Variants in SPHKAP observed in about 807,000 individuals in gnomAD.
The protein encoded by SPHKAP is A-kinase anchor protein SPHKAP.
SPHKAP carries 67 observed loss-of-function variants against 137.5 expected under a neutral mutation model. The observed-to-expected ratio is 0.49, with a 90% CI of 0.40 to 0.60. The LOEUF is 0.60. Among genes scored for constraint, SPHKAP ranks in the 20% least tolerant of loss-of-function variants. The pLI, the probability that SPHKAP is intolerant of heterozygous loss-of-function variation, is 0.00. For missense variants in SPHKAP, 2,097 were observed against 2,069.3 expected, an observed-to-expected ratio of 1.01 and a Z score of -0.26; for synonymous variants, 813 against 785.3, an observed-to-expected ratio of 1.04 and a Z score of -0.59.
chr2:227,996,640 A>C (rs1416519978), intron 7 of SPHKAP, among the ~76,000 whole-genome samples: 1 of 152,070 alleles, frequency 6.6e-6, no homozygotes, highest in Non-Finnish European at 1.5e-5. Context: ...TGCATATCTC[A>C]TTAACATCTC....
Position 227,980,844 on chromosome 2 carries a change from ATTT to A in SPHKAP, c.*870_*872del, listed in dbSNP as rs1692968820. On this transcript the variant is annotated 3_prime_UTR_variant, in exon 12 of 12. Coordinates refer to ENST00000392056, the MANE Select transcript of SPHKAP (RefSeq NM_001142644.2). ...AAGCTTGAAGCTAACTCAATATATTATTTAAGACAATAATCTCTTTATAATTTA... is the reference window on the plus strand; with the variant it reads ...AAGCTTGAAGCTAACTCAATATATTAAAGACAATAATCTCTTTATAATTTA... 6.6e-6 allele frequency: 1 copy of A among 152,238 alleles called. No homozygotes were observed. The highest frequency in any genetic ancestry group is 1.5e-5 in the Non-Finnish European group (1 of 68,044). The allele number at this position is 152,238 out of a possible 1,614,324, so 9.4% of individuals were successfully genotyped here.
chr2:228,148,382 G>A (rs750092279), intron 1 of SPHKAP, among the ~76,000 whole-genome samples: 1 of 152,190 alleles, frequency 6.6e-6, no homozygotes, highest in East Asian at 1.9e-4. Flanking sequence ...TGTGCTGAAA[G>A]CCCTAATTCC....
At chr2:228,158,449 A>T (rs181066411) in intron 1 of SPHKAP, among the ~76,000 whole-genome samples, 1 of 151,748 alleles carries the variant, frequency 6.6e-6, no homozygotes, top group Admixed American at 6.6e-5. Flanking sequence ...GAAGAACCAG[A>T]GACAAGTTTA....
intron 11 of SPHKAP, among the ~76,000 whole-genome samples, chr2:227,985,252 C>T (rs958393320): frequency 1.3e-5 from 2 of 152,032 alleles, no homozygotes; most frequent in African/African-American, 4.8e-5. Flanking sequence ...TGGTCTGGCC[C>T]CACTAAATAG....
In SPHKAP at chr2:228,064,160, A is replaced by G. The variant is rs945267177; in HGVS notation, c.247-36617T>C. On this transcript the variant is annotated intron_variant, in intron 3 of 11. Transcript: ENST00000392056. ...GATAACATTGGAATACCAGAATTCT[A>G]TCACTCTCCTAGGCATAGCGACCCT... 3.9e-5 allele frequency among the ~76,000 whole-genome samples: 6 copies of G among 152,206 alleles called. No individual in the cohort carries two copies. The East Asian group carries it at 1.2e-3, about 29-fold the overall frequency.
chr2:228,072,336 A>G (rs531326353), intron 3 of SPHKAP, among the ~76,000 whole-genome samples: 100 of 152,248 alleles, frequency 6.6e-4, no homozygotes, highest in Non-Finnish European at 1.1e-3. Flanking sequence ...TCTACTAATA[A>G]TGCTTTTATC....
At chr2:228,176,503 A>G (rs1018509337) in intron 1 of SPHKAP, among the ~76,000 whole-genome samples, 3 of 152,378 alleles carry the variant, frequency 2.0e-5, no homozygotes, top group Admixed American at 2.0e-4. Context: ...GAGGAGGCAG[A>G]GAAGCAACAG....
chr2:228,160,170 G>C (rs1406157204), intron 1 of SPHKAP, among the ~76,000 whole-genome samples: 2 of 152,158 alleles, frequency 1.3e-5, no homozygotes, highest in Non-Finnish European at 2.9e-5. Flanking sequence ...ATGGAAGCAG[G>C]GGAGGTAGAA....
At position 228,017,686 on chromosome 2, in the gene SPHKAP, G is replaced by A. The variant is rs770645203; in HGVS notation, c.3168C>T (p.Asp1056=). The A allele has an allele frequency of 1.3e-5, 21 of 1,613,814 alleles. No individual in the cohort carries two copies. The highest frequency in any genetic ancestry group is 1.7e-5 in the Non-Finnish European group (20 of 1,179,980). Residue 1056 remains aspartate, a synonymous_variant, in exon 7 of 12, where the codon GAC becomes GAT. Transcript: ENST00000392056. Reference sequence around the variant, plus strand: ...GATAGCCCTGCGCCTGCCACATGCCGTCCACCATAGAGAACTCCGTTAGGT... The same window carrying A: ...GATAGCCCTGCGCCTGCCACATGCCATCCACCATAGAGAACTCCGTTAGGT... The part of the protein sequence containing the change: ...IMNLTEFSMV[D]GMWQAQGYPR...
At chr2:228,079,708 T>C in intron 3 of SPHKAP, among the ~76,000 whole-genome samples, 1 of 152,078 alleles carries the variant, frequency 6.6e-6, no homozygotes, top group Non-Finnish European at 1.5e-5. Context: ...GTTCAGCAAG[T>C]CCCCTTGAAT....
At chr2:228,178,498 T>G (rs116295707) in intron 1 of SPHKAP, among the ~76,000 whole-genome samples, 1 of 152,166 alleles carries the variant, frequency 6.6e-6, no homozygotes, top group Non-Finnish European at 1.5e-5. Context: ...TGCATTGTAA[T>G]ACAGTGTACT....
At chr2:227,995,909 C>T (rs1693624849) in intron 7 of SPHKAP, 1 of 977,120 alleles carries the variant, frequency 1.0e-6, no homozygotes, top group Admixed American at 6.2e-5. Flanking sequence ...CTATTAATCT[C>T]TTTCTACTGA....
At chr2:228,144,202 C>T (rs1271961879) in intron 1 of SPHKAP, among the ~76,000 whole-genome samples, 1 of 152,182 alleles carries the variant, frequency 6.6e-6, no homozygotes, top group African/African-American at 2.4e-5. Context: ...GTCTCTCCCA[C>T]CCTGATCTAT....
Position 228,181,681 on chromosome 2 carries a change from C to G in SPHKAP, c.-83G>C. 6.2e-7 allele frequency: 1 copy of G among 1,613,172 alleles called. No individual in the cohort carries two copies. The highest frequency in any genetic ancestry group is 8.5e-7 in the Non-Finnish European group (1 of 1,179,448). On this transcript the variant is annotated 5_prime_UTR_variant, in exon 1 of 12. Transcript: ENST00000392056. The surrounding 1 kb of genome is among the most constrained non-coding windows in gnomAD (Gnocchi z 4.3). ...GTGCTAGGACCCAGCTCCCAGAGTG[C>G]CAGACTGGCGCGCGCCAGGAGAGAG... is the stretch of plus-strand genomic sequence containing the variant.
At chr2:228,076,684 A>G (rs895052383) in intron 3 of SPHKAP, among the ~76,000 whole-genome samples, 3 of 152,216 alleles carry the variant, frequency 2.0e-5, no homozygotes, top group Non-Finnish European at 4.4e-5. Context: ...GGGTACTGTT[A>G]AAGGCATTCA....
intron 3 of SPHKAP, among the ~76,000 whole-genome samples, chr2:228,046,454 G>T (rs1342801965): frequency 6.6e-6 from 1 of 151,918 alleles, no homozygotes; most frequent in Non-Finnish European, 1.5e-5. Flanking sequence ...CGAGCTCAGG[G>T]TGCTAAGTTG....
chr2:228,061,825 C>G (rs1169275696), intron 3 of SPHKAP, among the ~76,000 whole-genome samples: 1 of 150,848 alleles, frequency 6.6e-6, no homozygotes, highest in African/African-American at 2.4e-5. Context: ...AAAACAAAAC[C>G]AAAACAAAAT....
At position 227,991,345 on chromosome 2, in the gene SPHKAP, G is replaced by A; in HGVS notation, c.4722-19C>T. 1 of 1,614,060 alleles carries A rather than the reference G, an allele frequency of 6.2e-7. No homozygotes were observed. Among genetic ancestry groups the A allele is most frequent in the Non-Finnish European group, 8.5e-7 (1 of 1,179,904 alleles). ...TAATTCACTTTGGGAGAAAACAACA[G>A]TATATGGTTGGTAATGTTTAGAAGA... On this transcript the variant is annotated intron_variant, in intron 9 of 11. Transcript: ENST00000392056.
intron 3 of SPHKAP, among the ~76,000 whole-genome samples, chr2:228,041,694 G>A (rs1469371316): frequency 6.6e-6 from 1 of 150,552 alleles, no homozygotes; most frequent in Non-Finnish European, 1.5e-5. Flanking sequence ...TACATTCTCT[G>A]AAATCTTATG....
Sources: gnomAD v4.1 joint callset for allele counts (sites outside exome capture counted in the v4.1 genomes callset) on GRCh38, gnomAD v4.1.1 for gene constraint, Gnocchi (gnomAD v3.1) non-coding constraint, MANE v1.5 for transcripts, NCBI Gene and HGNC (gene_info 2026-07-23, HGNC 2026-07-21) for gene names.